ASAP1: variants seen among roughly 807,000 people sequenced by gnomAD.
ASAP1 encodes the protein ArfGAP with SH3 domain, ankyrin repeat and PH domain 1, also known as arf-GAP with SH3 domain, ANK repeat and PH domain-containing protein 1.
In ASAP1, 43 loss-of-function variants were observed where a neutral mutation model predicts 145.2. The observed-to-expected ratio is 0.30, with a 90% CI of 0.23 to 0.38. ASAP1 has a LOEUF of 0.38. ASAP1 is among the 10% of genes least tolerant of loss of function. ASAP1 has a pLI of 1.00. For missense variants in ASAP1, 1,018 were observed against 1,355.3 expected (o/e 0.75, Z 3.91); for synonymous variants, 546 against 515.5 (o/e 1.06, Z -0.80).
chr8:130,171,236 A>G (rs2136103402), intron 9 of ASAP1, among the ~76,000 whole-genome samples: 2 of 152,270 alleles, frequency 1.3e-5, no homozygotes. Context: ...GCCTTTGCAT[A>G]TGCTATTCCC....
intron 3 of ASAP1, among the ~76,000 whole-genome samples, chr8:130,341,864 CGA>C (rs1012981356): frequency 1.3e-5 from 2 of 152,126 alleles, no homozygotes; most frequent in African/African-American, 2.4e-5. Flanking sequence ...CAGCAAGAAA[CGA>C]GAGTCAAACT....
chr8:130,256,284 T>G (rs983419391), intron 3 of ASAP1, among the ~76,000 whole-genome samples: 2 of 152,126 alleles, frequency 1.3e-5, no homozygotes, highest in Non-Finnish European at 2.9e-5. Context: ...GTTTTTTGTT[T>G]TAGGAGAATG....
At chr8:130,107,564 T>TC (rs1178479507) in intron 24 of ASAP1, among the ~76,000 whole-genome samples, 1,585 of 142,380 alleles carry the variant, frequency 0.011, 12 homozygotes, top group Middle Eastern at 0.044. Context: ...GTATGTATTT[T>TC]TGAGATAGAG....
At chr8:130,200,439 A>G (rs958804757) in intron 5 of ASAP1, among the ~76,000 whole-genome samples, 1 of 152,218 alleles carries the variant, frequency 6.6e-6, no homozygotes, top group African/African-American at 2.4e-5. Context: ...ATGGCTTCCA[A>G]CTAAGCAAAG....
At chr8:130,402,222 G>C (rs1828828782) in intron 1 of ASAP1, among the ~76,000 whole-genome samples, 1 of 152,118 alleles carries the variant, frequency 6.6e-6, no homozygotes, top group Non-Finnish European at 1.5e-5. Context: ...TCTATTTCTA[G>C]CTCTACGTTG....
chr8:130,403,158 GA>G (rs1257450852), intron 1 of ASAP1, among the ~76,000 whole-genome samples: 1 of 151,680 alleles, frequency 6.6e-6, no homozygotes, highest in Non-Finnish European at 1.5e-5. Context: ...AAGGTCTTTG[GA>G]AAAAAATAAC....
intron 1 of ASAP1, among the ~76,000 whole-genome samples, chr8:130,419,828 C>G (rs1829642167): frequency 6.6e-6 from 1 of 152,192 alleles, no homozygotes; most frequent in South Asian, 2.1e-4. Context: ...CTCCTTCGCA[C>G]AGCCCTCGCT....
At chr8:130,185,512 A>G (rs941587441) in intron 7 of ASAP1, among the ~76,000 whole-genome samples, 1 of 152,128 alleles carries the variant, frequency 6.6e-6, no homozygotes, top group Non-Finnish European at 1.5e-5. Context: ...TGGATACCTG[A>G]GGCCAGGAGT....
intron 9 of ASAP1, among the ~76,000 whole-genome samples, chr8:130,169,724 G>A (rs1813449797): frequency 6.6e-6 from 1 of 152,326 alleles, no homozygotes; most frequent in East Asian, 1.9e-4. Flanking sequence ...CTTTACACAA[G>A]TGATTTCATG....
At chr8:130,331,833 C>G (rs905298158) in intron 3 of ASAP1, among the ~76,000 whole-genome samples, 1 of 152,050 alleles carries the variant, frequency 6.6e-6, no homozygotes, top group Non-Finnish European at 1.5e-5. Context: ...CAATGCACAT[C>G]AAGTGGGGAG....
At chr8:130,291,884 G>C (rs1821966853) in intron 3 of ASAP1, among the ~76,000 whole-genome samples, 1 of 152,090 alleles carries the variant, frequency 6.6e-6, no homozygotes, top group Admixed American at 6.6e-5. Context: ...GCTTACGAGG[G>C]GACACTGAGG....
chr8:130,064,696 G>C (rs78926849), intron 27 of ASAP1, among the ~76,000 whole-genome samples: 3,163 of 152,162 alleles, frequency 0.021, 52 homozygotes, highest in East Asian at 0.064. Flanking sequence ...TGGAGACAGC[G>C]TTAGATCCCA....
intron 3 of ASAP1, among the ~76,000 whole-genome samples, chr8:130,270,030 C>G (rs1405791159): frequency 6.6e-6 from 1 of 152,166 alleles, no homozygotes; most frequent in African/African-American, 2.4e-5. Context: ...ATTAGCCAGG[C>G]GTGGTGGCCC....
chr8:130,438,208 G>A (rs1165707654), intron 1 of ASAP1, among the ~76,000 whole-genome samples: 1 of 152,206 alleles, frequency 6.6e-6, no homozygotes, highest in East Asian at 1.9e-4. Flanking sequence ...TAACTGAGAG[G>A]ACTTCAGAAA....
intron 3 of ASAP1, among the ~76,000 whole-genome samples, chr8:130,305,190 A>T (rs1822917005): frequency 6.6e-6 from 1 of 152,122 alleles, no homozygotes. Context: ...TTTTGTCTTC[A>T]TAGCACCTAC....
intron 13 of ASAP1, among the ~76,000 whole-genome samples, chr8:130,137,575 C>A (rs2097597959): frequency 6.6e-6 from 1 of 152,172 alleles, no homozygotes; most frequent in African/African-American, 2.4e-5. Flanking sequence ...CCAAATTGAT[C>A]TCCCAGGTAT....
At chr8:130,213,925 C>T (rs540300591) in intron 5 of ASAP1, among the ~76,000 whole-genome samples, 12 of 152,300 alleles carry the variant, frequency 7.9e-5, no homozygotes, top group African/African-American at 2.9e-4. Context: ...CCTCCACCAC[C>T]CCCATCCCTG....
At chr8:130,090,103 C>A (rs2097502386) in intron 25 of ASAP1, among the ~76,000 whole-genome samples, 1 of 152,068 alleles carries the variant, frequency 6.6e-6, no homozygotes. Flanking sequence ...CCTGACCCAT[C>A]AACAATGGGG....
intron 3 of ASAP1, among the ~76,000 whole-genome samples, chr8:130,303,650 G>GA (rs1822810129): frequency 6.6e-6 from 1 of 152,210 alleles, no homozygotes; most frequent in African/African-American, 2.4e-5. Context: ...ACTGCTAAGT[G>GA]AAAAAAGTCA....
Sources: allele counts gnomAD v4.1 joint callset (sites outside exome capture counted in the v4.1 genomes callset), GRCh38; gene constraint gnomAD v4.1.1; transcripts MANE v1.5; gene names NCBI Gene and HGNC (gene_info 2026-07-23, HGNC 2026-07-21).